Variants in PARD3 observed in about 807,000 individuals in gnomAD.
PARD3 encodes the protein partitioning defective 3 homolog.
PARD3 carries 75 observed loss-of-function variants against 155.4 expected under a neutral mutation model. The ratio of observed to expected loss-of-function variants is 0.48; its 90% CI spans 0.40 to 0.58. The LOEUF is 0.58. Ranked by LOEUF, PARD3 falls within the 20% of genes least tolerant of loss-of-function variation. The probability of loss-of-function intolerance (pLI) is 0.00; values close to 1 mark genes in which losing one functional copy is unlikely to be tolerated. For missense variants in PARD3, 1,642 were observed against 1,721.7 expected (o/e 0.95, Z 0.82); for synonymous variants, 576 against 610.5 (o/e 0.94, Z 0.83).
intron 20 of PARD3, among the ~76,000 whole-genome samples, chr10:34,315,217 G>C (rs1399585279): frequency 1.3e-5 from 2 of 152,166 alleles, no homozygotes; most frequent in South Asian, 4.1e-4. Flanking sequence ...CTAGAAAAAA[G>C]AGAGTTGTGT....
chr10:34,427,467 C>G lies in PARD3; in HGVS notation c.714+22850G>C, dbSNP rs189252594. 1.6e-4 allele frequency among the ~76,000 whole-genome samples: 24 copies of G among 152,240 alleles called. No homozygotes were observed. In the East Asian group the frequency reaches 4.7e-3, roughly 30 times the overall value. On this transcript the variant is annotated intron_variant, in intron 5 of 24. Transcript: ENST00000374788. ...CCAGCCTGGCGAATTCTAGTCAGACCGGTTCTCTGCTCTTGAACCCTGTTA... is the reference window on the plus strand; with the variant it reads ...CCAGCCTGGCGAATTCTAGTCAGACGGGTTCTCTGCTCTTGAACCCTGTTA...
intron 22 of PARD3, among the ~76,000 whole-genome samples, chr10:34,226,837 A>T (rs1231303135): frequency 6.6e-6 from 1 of 152,264 alleles, no homozygotes; most frequent in Non-Finnish European, 1.5e-5. Context: ...AATTAAAAAA[A>T]GTAGTATATC....
At chr10:34,367,984 G>A (rs1373801564) in intron 12 of PARD3, among the ~76,000 whole-genome samples, 2 of 152,260 alleles carry the variant, frequency 1.3e-5, no homozygotes. Flanking sequence ...TGGGCGCAGT[G>A]GCTCAAACCT....
At chr10:34,165,603 C>A (rs1283849689) in intron 22 of PARD3, among the ~76,000 whole-genome samples, 2 of 152,200 alleles carry the variant, frequency 1.3e-5, no homozygotes, top group African/African-American at 4.8e-5. Flanking sequence ...AACAATTTGG[C>A]CTTAAGCTCC....
Position 34,277,097 on chromosome 10 carries a change from T to A in PARD3, c.3176+7038A>T, listed in dbSNP as rs1009471658. On this transcript the variant is annotated intron_variant, in intron 21 of 24. Coordinates refer to ENST00000374788, the MANE Select transcript of PARD3 (RefSeq NM_001184785.2). ...ACTGCACTGCCATCCAGAAGCCTCA[T>A]TCTGGGAACAACAGTTCGTGGATCT... 5.3e-5 allele frequency among the ~76,000 whole-genome samples: 8 copies of A among 152,286 alleles called. 1 individual carries two copies. The South Asian group carries it at 1.7e-3, about 32-fold the overall frequency.
chr10:34,688,040 A>T (rs1043413672), intron 2 of PARD3, among the ~76,000 whole-genome samples: 1 of 151,540 alleles, frequency 6.6e-6, no homozygotes, highest in African/African-American at 2.4e-5. Flanking sequence ...TTTTTTGTAG[A>T]AACAGTCTCG....
chr10:34,312,494 T>C (rs1765237910), intron 20 of PARD3: 1 of 1,025,402 alleles, frequency 9.8e-7, no homozygotes, highest in Non-Finnish European at 1.5e-6. Context: ...AACTACGACA[T>C]TCAGTTTTTA....
At chr10:34,279,234 C>T (rs1025536480) in intron 21 of PARD3, among the ~76,000 whole-genome samples, 56 of 149,370 alleles carry the variant, frequency 3.7e-4, no homozygotes, top group African/African-American at 1.2e-3. Context: ...ACTGCAGCCT[C>T]GAACTCCTGG....
chr10:34,430,332 TTAGAA>T (rs1336561246), intron 5 of PARD3, among the ~76,000 whole-genome samples: 3 of 152,230 alleles, frequency 2.0e-5, no homozygotes, highest in Non-Finnish European at 2.9e-5. Flanking sequence ...CTAGAATATC[TTAGAA>T]TAGAATAGAC....
At chr10:34,449,596 T>A (rs1413855922) in intron 5 of PARD3, among the ~76,000 whole-genome samples, 5 of 131,504 alleles carry the variant, frequency 3.8e-5, no homozygotes, top group Non-Finnish European at 7.7e-5. Flanking sequence ...AAACTTAAAG[T>A]ATAAAAAAAA....
chr10:34,696,056 T>C (rs1424375199), intron 2 of PARD3, among the ~76,000 whole-genome samples: 1 of 152,204 alleles, frequency 6.6e-6, no homozygotes, highest in Non-Finnish European at 1.5e-5. Flanking sequence ...AATCTTTTTG[T>C]GATATTTCCA....
Position 34,694,285 on chromosome 10 carries a change from T to A in PARD3, c.222+2033A>T, listed in dbSNP as rs1449756096. The stretch of plus-strand genomic sequence containing the variant: ...AAAGAGCACCTGTTTAAATTCTTCA[T>A]AAATCTCTGTAGTTGCCTTGAGTGT... On this transcript the variant is annotated intron_variant, in intron 2 of 24. Coordinates refer to ENST00000374788, the MANE Select transcript of PARD3 (RefSeq NM_001184785.2). Among the ~76,000 whole-genome samples, 4 of 152,050 alleles carry A rather than the reference T, an allele frequency of 2.6e-5. No individual in the cohort carries two copies. The East Asian group carries it at 7.7e-4, about 29-fold the overall frequency.
intron 3 of PARD3, among the ~76,000 whole-genome samples, chr10:34,500,665 C>A (rs998876008): frequency 2.0e-4 from 31 of 152,092 alleles, no homozygotes; most frequent in Admixed American, 3.9e-4. Flanking sequence ...CAGCTTGAAC[C>A]CAGGGCATGG....
intron 3 of PARD3, among the ~76,000 whole-genome samples, chr10:34,474,595 C>T (rs1215672362): frequency 6.6e-6 from 1 of 152,168 alleles, no homozygotes; most frequent in East Asian, 1.9e-4. Context: ...AAATAAGGCA[C>T]TACATTAGAC....
At chr10:34,792,061 G>A (rs995912314) in intron 1 of PARD3, among the ~76,000 whole-genome samples, 2 of 152,156 alleles carry the variant, frequency 1.3e-5, no homozygotes, top group Non-Finnish European at 2.9e-5. Context: ...CGTGACATGC[G>A]CCCAGGTGCT....
intron 22 of PARD3, among the ~76,000 whole-genome samples, chr10:34,231,380 C>T (rs1039028983): frequency 2.0e-5 from 3 of 150,896 alleles, no homozygotes; most frequent in African/African-American, 7.3e-5. Context: ...TTAGTTACCT[C>T]TGAAGGTCAC....
intron 12 of PARD3, among the ~76,000 whole-genome samples, chr10:34,367,179 G>A (rs1386287348): frequency 6.6e-6 from 1 of 152,134 alleles, no homozygotes; most frequent in Non-Finnish European, 1.5e-5. Flanking sequence ...TTTGCCTGGA[G>A]TAATTTGTTC....
At chr10:34,515,296 A>G (rs1664693806) in intron 3 of PARD3, among the ~76,000 whole-genome samples, 1 of 152,254 alleles carries the variant, frequency 6.6e-6, no homozygotes, top group African/African-American at 2.4e-5. Context: ...GTAGTCAACA[A>G]AATTATTTTC....
rs397846339 is a variant in PARD3 at position 34,687,846 on chromosome 10, C to CTTTTTTTTTTTTTT, written c.222+8458_222+8471dup. ...ATGCCCGGTCAGTTACACCTGAAAT[C>CTTTTTTTTTTTTTT]TTTTTTTTTTTTTTTTTTTTTTTTT... On this transcript the variant is annotated intron_variant, in intron 2 of 24. Coordinates refer to ENST00000374788, the MANE Select transcript of PARD3 (RefSeq NM_001184785.2). Among the ~76,000 whole-genome samples, 139 of 63,712 alleles carry CTTTTTTTTTTTTTT rather than the reference C, an allele frequency of 2.2e-3. 28 individuals carry two copies. The highest frequency in any genetic ancestry group is 9.3e-3 in the African/African-American group (128 of 13,808). 41.8% of individuals were successfully genotyped at this position (63,712 alleles called of 152,430 possible).
Sources: gnomAD v4.1 joint callset for allele counts (sites outside exome capture counted in the v4.1 genomes callset) on GRCh38, gnomAD v4.1.1 for gene constraint, MANE v1.5 for transcripts, NCBI Gene and HGNC (gene_info 2026-07-23, HGNC 2026-07-21) for gene names.